SLC25A21: variants seen among roughly 807,000 people sequenced by gnomAD.
The protein encoded by SLC25A21 is solute carrier family 25 member 21, also known as mitochondrial 2-oxodicarboxylate carrier.
Under a neutral mutation model 43.8 loss-of-function variants are expected in SLC25A21, and 47 were observed. That is an observed-to-expected ratio of 1.07 (90% CI 0.85 to 1.37). The LOEUF (loss-of-function observed/expected upper bound fraction) is 1.37, where lower values mean the gene tolerates loss of function less well. SLC25A21 is among the 40% of genes most tolerant of loss of function. SLC25A21 has a pLI of 0.00. For missense variants in SLC25A21, 352 were observed against 350.2 expected, an observed-to-expected ratio of 1.00 and a Z score of -0.04; for synonymous variants, 131 against 121.3, an observed-to-expected ratio of 1.08 and a Z score of -0.52.
intron 1 of SLC25A21, among the ~76,000 whole-genome samples, chr14:37,029,837 T>C (rs1039596502): frequency 1.2e-4 from 17 of 144,144 alleles, no homozygotes; most frequent in African/African-American, 4.2e-4. Context: ...TGACCTCGGC[T>C]CACTCCAACC....
At chr14:36,997,665 C>CA (rs1415895105) in intron 1 of SLC25A21, among the ~76,000 whole-genome samples, 1 of 151,904 alleles carries the variant, frequency 6.6e-6, no homozygotes, top group Admixed American at 6.6e-5. Flanking sequence ...CCCATCTCTA[C>CA]AAAAAATACA....
chr14:37,147,079 G>A (rs1963679154), intron 1 of SLC25A21, among the ~76,000 whole-genome samples: 1 of 152,106 alleles, frequency 6.6e-6, no homozygotes, highest in Admixed American at 6.5e-5. Context: ...AGGAACCACT[G>A]GAGTGAGACC....
chr14:37,035,094 G>A (rs968129888), intron 1 of SLC25A21, among the ~76,000 whole-genome samples: 2 of 152,200 alleles, frequency 1.3e-5, no homozygotes, highest in South Asian at 2.1e-4. Flanking sequence ...TTGGCAAAGT[G>A]ACTCATAAAG....
intron 1 of SLC25A21, among the ~76,000 whole-genome samples, chr14:36,926,594 A>C (rs1892139578): frequency 2.0e-5 from 3 of 152,102 alleles, no homozygotes. Flanking sequence ...AGAGGACAAC[A>C]CTGGTGATGA....
intron 3 of SLC25A21, among the ~76,000 whole-genome samples, chr14:36,775,244 T>C (rs542033743): frequency 6.6e-6 from 1 of 152,234 alleles, no homozygotes; most frequent in East Asian, 1.9e-4. Flanking sequence ...AGGAAATCAA[T>C]ATAGAAAAGG....
At chr14:36,760,747 T>C (rs1886122966) in intron 3 of SLC25A21, among the ~76,000 whole-genome samples, 1 of 152,168 alleles carries the variant, frequency 6.6e-6, no homozygotes, top group African/African-American at 2.4e-5. Flanking sequence ...TTACTGATGA[T>C]ATGGAATGCC....
At chr14:37,041,672 G>C (rs980101721) in intron 1 of SLC25A21, among the ~76,000 whole-genome samples, 1 of 152,260 alleles carries the variant, frequency 6.6e-6, no homozygotes, top group East Asian at 1.9e-4. Context: ...ATAGTAATGT[G>C]TCTAGAGCAG....
chr14:36,958,679 GCACACA>G (rs71124786), intron 1 of SLC25A21, among the ~76,000 whole-genome samples: 13,121 of 136,804 alleles, frequency 0.096, 746 homozygotes, highest in East Asian at 0.23. Flanking sequence ...AAGCACACGT[GCACACA>G]CACACACACA....
intron 2 of SLC25A21, among the ~76,000 whole-genome samples, chr14:36,836,553 G>A (rs1252137731): frequency 2.0e-5 from 3 of 152,198 alleles, no homozygotes; most frequent in South Asian, 2.1e-4. Context: ...TAACATGGAA[G>A]CATTATGTAA....
chr14:37,069,475 T>C lies in SLC25A21; in HGVS notation c.70+102806A>G, dbSNP rs376771088. On this transcript the variant is annotated intron_variant, in intron 1 of 9. Transcript: ENST00000331299. ...CATCCTTTAAAAACATGCCAGCATA[T>C]TGTGAAAGAAAAAATATATGATTAT... Among the ~76,000 whole-genome samples, 3 of 152,140 alleles carry C rather than the reference T, an allele frequency of 2.0e-5. 1 individual carries two copies. The highest frequency in any genetic ancestry group is 4.4e-5 in the Non-Finnish European group (3 of 68,028).
At chr14:37,160,187 C>T (rs1398953156) in intron 1 of SLC25A21, among the ~76,000 whole-genome samples, 1 of 152,116 alleles carries the variant, frequency 6.6e-6, no homozygotes, top group Non-Finnish European at 1.5e-5. Flanking sequence ...AATAGAATTA[C>T]CACTCGATCC....
At chr14:36,764,701 T>C (rs1886345850) in intron 3 of SLC25A21, among the ~76,000 whole-genome samples, 1 of 151,294 alleles carries the variant, frequency 6.6e-6, no homozygotes. Flanking sequence ...TTGAAGTGTT[T>C]GGAGCTCCAG....
intron 7 of SLC25A21, among the ~76,000 whole-genome samples, chr14:36,697,051 C>T (rs1181567940): frequency 6.6e-6 from 1 of 152,168 alleles, no homozygotes; most frequent in Non-Finnish European, 1.5e-5. Context: ...GCATTTAGTG[C>T]TATAAATTTC....
intron 2 of SLC25A21, among the ~76,000 whole-genome samples, chr14:36,818,267 A>T (rs1052549210): frequency 3.3e-5 from 5 of 152,214 alleles, no homozygotes; most frequent in Admixed American, 3.3e-4. Context: ...GGAGCTACAT[A>T]TCTGCAATTA....
intron 4 of SLC25A21, among the ~76,000 whole-genome samples, chr14:36,733,953 G>C (rs1370866656): frequency 1.3e-5 from 2 of 152,206 alleles, no homozygotes; most frequent in African/African-American, 4.8e-5. Context: ...AATCAGGGTA[G>C]TGGAAGTAAT....
Position 36,678,103 on chromosome 14 carries a change from A to T in SLC25A21, c.*2555T>A, listed in dbSNP as rs1468160610. ...GCACCTCACTGGATATGGATGTTGA[A>T]GATGGATTCCCTAGGTGATTTTAAT... On this transcript the variant is annotated 3_prime_UTR_variant, in exon 10 of 10. Coordinates refer to ENST00000331299, the MANE Select transcript of SLC25A21 (RefSeq NM_030631.4). 1.0e-5 allele frequency: 2 copies of T among 196,318 alleles called. No homozygotes were observed. Among genetic ancestry groups the T allele is most frequent in the Admixed American group, 1.1e-4 (2 of 17,522 alleles). 12.2% of individuals were successfully genotyped at this position (196,318 alleles called of 1,614,324 possible). A position where few individuals can be genotyped will look rare whatever the true frequency, so the allele number is the denominator to read the frequency against.
In SLC25A21 at chr14:36,679,617, C is replaced by CAT. The variant is rs1882105590; in HGVS notation, c.*1039_*1040dup. The CAT allele has an allele frequency of 1.0e-6, 1 of 985,238 alleles. No individual in the cohort carries two copies. 61.0% of individuals were successfully genotyped at this position (985,238 alleles called of 1,614,324 possible). A position where few individuals can be genotyped will look rare whatever the true frequency, so the allele number is the denominator to read the frequency against. ...TGCTAAGTGTATTTCTTTTTCAGAA[C>CAT]ATTTCCCCTTCATCATACATATTTT... On this transcript the variant is annotated 3_prime_UTR_variant, in exon 10 of 10. Coordinates refer to ENST00000331299, the MANE Select transcript of SLC25A21 (RefSeq NM_030631.4).
chr14:36,984,668 T>C (rs1407554732), intron 1 of SLC25A21, among the ~76,000 whole-genome samples: 1 of 152,120 alleles, frequency 6.6e-6, no homozygotes, highest in Non-Finnish European at 1.5e-5. Flanking sequence ...TTTTTAAAAA[T>C]TGTGATGACT....
intron 1 of SLC25A21, among the ~76,000 whole-genome samples, chr14:36,941,799 A>G (rs1892565014): frequency 6.6e-6 from 1 of 152,078 alleles, no homozygotes; most frequent in African/African-American, 2.4e-5. Context: ...TAAAATACTT[A>G]AATACATAAT....
Sources: gnomAD v4.1 joint callset for allele counts (sites outside exome capture counted in the v4.1 genomes callset) on GRCh38, gnomAD v4.1.1 for gene constraint, MANE v1.5 for transcripts, NCBI Gene and HGNC (gene_info 2026-07-23, HGNC 2026-07-21) for gene names.